ECPAS: variants seen among roughly 807,000 people sequenced by gnomAD.
ECPAS encodes the protein proteasome adapter and scaffold protein ECM29.
ECPAS carries 70 observed loss-of-function variants against 255.1 expected under a neutral mutation model. The observed-to-expected ratio is 0.27, with a 90% CI of 0.23 to 0.33. ECPAS has a LOEUF of 0.33. ECPAS is among the 10% of genes least tolerant of loss of function. The probability of loss-of-function intolerance (pLI) is 1.00; values close to 1 mark genes in which losing one functional copy is unlikely to be tolerated. For missense variants in ECPAS, 1,817 were observed against 2,206.4 expected (o/e 0.82, Z 3.54); for synonymous variants, 784 against 775.0 (o/e 1.01, Z -0.19).
intron 31 of ECPAS, among the ~76,000 whole-genome samples, chr9:111,388,709 T>C (rs1410685815): frequency 2.6e-5 from 4 of 151,766 alleles, no homozygotes; most frequent in Admixed American, 6.6e-5. Context: ...AGTAAAGAAT[T>C]AGGGAAAGAA....
chr9:111,463,631 G>A (rs893501269), intron 2 of ECPAS, among the ~76,000 whole-genome samples: 2 of 152,040 alleles, frequency 1.3e-5, no homozygotes, highest in Non-Finnish European at 2.9e-5. Context: ...CAAAAGCACC[G>A]GTCAGCAAAT....
intron 18 of ECPAS, among the ~76,000 whole-genome samples, chr9:111,415,578 G>A (rs1300342246): frequency 1.3e-5 from 2 of 151,896 alleles, no homozygotes; most frequent in Non-Finnish European, 2.9e-5. Flanking sequence ...GTGCACGCCT[G>A]TAGTCATGGC....
intron 48 of ECPAS, among the ~76,000 whole-genome samples, chr9:111,364,330 G>A (rs73656230): frequency 0.015 from 2,218 of 152,268 alleles, 66 homozygotes; most frequent in African/African-American, 0.051. Context: ...CCTGTCAAAA[G>A]GACACAGGAG....
intron 2 of ECPAS, among the ~76,000 whole-genome samples, chr9:111,466,215 G>A (rs114031833): frequency 0.014 from 2,126 of 152,194 alleles, 59 homozygotes; most frequent in African/African-American, 0.048. Context: ...TTGGGAGGCC[G>A]AGGTAAGTGA....
At chr9:111,435,345 TA>T (rs1256886668) in intron 7 of ECPAS, among the ~76,000 whole-genome samples, 1 of 152,228 alleles carries the variant, frequency 6.6e-6, no homozygotes, top group Non-Finnish European at 1.5e-5. Flanking sequence ...TCCCTGAAAC[TA>T]AACTGTTCGT....
intron 35 of ECPAS, among the ~76,000 whole-genome samples, chr9:111,379,856 C>G (rs1019694188): frequency 1.1e-4 from 16 of 152,340 alleles, no homozygotes; most frequent in Non-Finnish European, 2.1e-4. Flanking sequence ...GAGATTGCAA[C>G]AATTCAGTCA....
At chr9:111,422,791 A>T (rs148178141) in intron 13 of ECPAS, among the ~76,000 whole-genome samples, 4 of 152,314 alleles carry the variant, frequency 2.6e-5, no homozygotes, top group African/African-American at 9.6e-5. Context: ...AGAAGAAAAA[A>T]AAATCTGTCA....
chr9:111,435,702 T>C (rs1484565532), intron 7 of ECPAS, among the ~76,000 whole-genome samples: 6 of 147,446 alleles, frequency 4.1e-5, no homozygotes, highest in African/African-American at 1.5e-4. Flanking sequence ...TTTTTTGAGA[T>C]GGAGTCTTGC....
intron 5 of ECPAS, 45 bp downstream of exon 5, chr9:111,442,261 G>T (rs1224141364): frequency 1.6e-6 from 2 of 1,266,080 alleles, no homozygotes; most frequent in East Asian, 4.8e-5. Flanking sequence ...AAAGGCAGTT[G>T]TTGACTCCTG....
At chr9:111,447,479 G>A (rs1002620107) in intron 3 of ECPAS, among the ~76,000 whole-genome samples, 11 of 151,860 alleles carry the variant, frequency 7.2e-5, no homozygotes, top group African/African-American at 9.7e-5. Flanking sequence ...GTTAAATATC[G>A]GCGAATTTCC....
At chr9:111,479,223 T>C (rs1209554467) in intron 1 of ECPAS, among the ~76,000 whole-genome samples, 2 of 152,098 alleles carry the variant, frequency 1.3e-5, no homozygotes, top group Non-Finnish European at 2.9e-5. Context: ...AGGGGGAAGG[T>C]GTGTTGGTGT....
chr9:111,441,651 C>T (rs2098246163), intron 5 of ECPAS, among the ~76,000 whole-genome samples: 1 of 152,190 alleles, frequency 6.6e-6, no homozygotes, highest in Non-Finnish European at 1.5e-5. Flanking sequence ...CCTTTTGATA[C>T]TCTTAAAACA....
intron 19 of ECPAS, 136 bp from the exon 20 acceptor site, chr9:111,414,122 ACCTACACAACCT>A: frequency 1.6e-6 from 1 of 619,340 alleles, no homozygotes; most frequent in Non-Finnish European, 2.7e-6. Flanking sequence ...AAAAAAGAAA[ACCTACACAACCT>A]AAATATAGTA....
intron 34 of ECPAS, 84 bp downstream of exon 34, chr9:111,384,438 T>C: frequency 7.9e-7 from 1 of 1,260,960 alleles, no homozygotes; most frequent in Non-Finnish European, 1.2e-6. Flanking sequence ...CTAAATGTCT[T>C]TTCCTATGAC....
At chr9:111,406,200 T>C (rs1489348561) in intron 24 of ECPAS, among the ~76,000 whole-genome samples, 3 of 149,610 alleles carry the variant, frequency 2.0e-5, no homozygotes, top group Non-Finnish European at 4.4e-5. Flanking sequence ...TAAAAAATAA[T>C]GAAATCCTGT....
rs1467479755 is a variant in ECPAS, at chr9:111,362,000, T to C, written c.*30A>G. The C allele has an allele frequency of 1.3e-5, 21 of 1,607,132 alleles. No homozygotes were observed. Among genetic ancestry groups the C allele is most frequent in the Non-Finnish European group, 1.7e-5 (20 of 1,176,816 alleles). ...CCACCACTTCAACCCCCAATGAACA[T>C]GGCACTTGTTTGTTTCTTCCCCTTC... On this transcript the variant is annotated 3_prime_UTR_variant, in exon 50 of 50. Transcript: ENST00000684092.
At chr9:111,454,068 G>A (rs1174841153) in intron 2 of ECPAS, among the ~76,000 whole-genome samples, 1 of 152,130 alleles carries the variant, frequency 6.6e-6, no homozygotes. Flanking sequence ...TTTGATAAAT[G>A]CTGAATGCTG....
chr9:111,423,283 GAAC>G, intron 12 of ECPAS, 35 bp from the exon 13 acceptor site: 1 of 1,456,864 alleles, frequency 6.9e-7, no homozygotes. Context: ...AGAAAAGAAA[GAAC>G]AAAAAACAGA....
chr9:111,364,287 A>G (rs958388663), intron 48 of ECPAS, among the ~76,000 whole-genome samples: 29 of 152,224 alleles, frequency 1.9e-4, no homozygotes, highest in African/African-American at 7.0e-4. Flanking sequence ...GTTATGCTAC[A>G]AAGTACAAAA....
Sources: allele counts gnomAD v4.1 joint callset (sites outside exome capture counted in the v4.1 genomes callset), GRCh38; gene constraint gnomAD v4.1.1; transcripts MANE v1.5; gene names NCBI Gene and HGNC (gene_info 2026-07-23, HGNC 2026-07-21).